Variants in ABCC9 observed in about 807,000 individuals in gnomAD.
The protein encoded by ABCC9 is ATP binding cassette subfamily C member 9, also known as ATP-binding cassette sub-family C member 9.
A neutral mutation model predicts 188.3 loss-of-function variants in ABCC9; 95 were observed. The ratio of observed to expected loss-of-function variants is 0.50; its 90% CI spans 0.43 to 0.60. ABCC9 has a LOEUF of 0.60. Among genes scored for constraint, ABCC9 ranks in the 20% least tolerant of loss-of-function variants. The pLI is 0.00. For synonymous variants in ABCC9, 659 were observed against 652.7 expected (o/e 1.01, Z -0.15); for missense variants, 1,102 against 1,876.3 (o/e 0.59, Z 7.62).
At chr12:21,937,507 GA>G (rs1949534618) in intron 2 of ABCC9, among the ~76,000 whole-genome samples, 1 of 152,128 alleles carries the variant, frequency 6.6e-6, no homozygotes, top group Non-Finnish European at 1.5e-5. Context: ...GGCCACTGGG[GA>G]TTCCGGGGCA....
chr12:21,812,567 G>C (rs1166678282), intron 35 of ABCC9, among the ~76,000 whole-genome samples: 2 of 152,168 alleles, frequency 1.3e-5, no homozygotes, highest in African/African-American at 4.8e-5. Context: ...GATGAAGCTG[G>C]AAACCATCAT....
intron 22 of ABCC9, among the ~76,000 whole-genome samples, chr12:21,857,850 A>G (rs1441927023): frequency 6.6e-6 from 1 of 152,170 alleles, no homozygotes; most frequent in Non-Finnish European, 1.5e-5. Flanking sequence ...TGGACTTCTA[A>G]TCTATAGAAG....
At chr12:21,833,395 G>C (rs1256515159) in intron 30 of ABCC9, among the ~76,000 whole-genome samples, 1 of 151,672 alleles carries the variant, frequency 6.6e-6, no homozygotes, top group Non-Finnish European at 1.5e-5. Context: ...TCTAATTCAA[G>C]CATTGAAATT....
chr12:21,838,250 T>G, intron 29 of ABCC9, 80 bp from the exon 30 acceptor site: 2 of 1,096,872 alleles, frequency 1.8e-6, no homozygotes, highest in Admixed American at 1.8e-5. Context: ...AAGAGAAAGT[T>G]ATTTTGTCAC....
chr12:21,915,885 T>G lies in ABCC9; in HGVS notation c.599A>C (p.Gln200Pro), dbSNP rs1565482114. 2 of 1,612,890 alleles carry G rather than the reference T, an allele frequency of 1.2e-6. No individual in the cohort carries two copies. Among genetic ancestry groups the G allele is most frequent in the Non-Finnish European group, 1.7e-6 (2 of 1,179,316 alleles). ...GAGGTCTTCAGGAGGCTTTACTTTC[T>G]GAGGATTCATGAAAAATACATATCT... is the stretch of plus-strand genomic sequence containing the variant. ...VRRYVFFMNP[Q>P]KVKPPEDLQD... The change falls in exon 7 of 40, where the codon CAG (glutamine) becomes CCG (proline). Residue 200 changes from glutamine to proline, a missense_variant. Transcript: ENST00000261200.
At chr12:21,938,018 C>A (rs975900279) in intron 2 of ABCC9, 1 of 152,106 alleles carries the variant, frequency 6.6e-6, no homozygotes, top group Non-Finnish European at 1.5e-5. Flanking sequence ...AGCATAGTAC[C>A]TTTTCTTTCT....
intron 20 of ABCC9, among the ~76,000 whole-genome samples, chr12:21,861,471 A>G (rs956253204): frequency 1.3e-5 from 2 of 152,130 alleles, no homozygotes; most frequent in Non-Finnish European, 2.9e-5. Flanking sequence ...AACTTAGGCA[A>G]TCAGCCTGCC....
Position 21,829,491 on chromosome 12 carries a change from G to A in ABCC9, c.3567-431C>T, listed in dbSNP as rs111529410. On this transcript the variant is annotated intron_variant, in intron 30 of 39. Coordinates refer to ENST00000261200, the MANE Select transcript of ABCC9 (RefSeq NM_020297.4). ...GCTGGGATTACAGGCGTGTGCCACC[G>A]CACCCGGCCCAGTAAATAGACTTCT... Among the ~76,000 whole-genome samples the A allele has an allele frequency of 2.5e-3, 383 of 152,246 alleles. 1 individual carries two copies. Among genetic ancestry groups the A allele is most frequent in the African/African-American group, 4.6e-3 (190 of 41,564 alleles).
At chr12:21,923,650 G>T in intron 5 of ABCC9, 1 of 553,332 alleles carries the variant, frequency 1.8e-6, no homozygotes, top group Non-Finnish European at 3.2e-6. Context: ...TGTGGAACTG[G>T]AACTCTTACA....
chr12:21,850,851 T>C (rs1221258251), intron 24 of ABCC9, among the ~76,000 whole-genome samples: 4 of 152,176 alleles, frequency 2.6e-5, no homozygotes, highest in Non-Finnish European at 5.9e-5. Flanking sequence ...CAACTGTACC[T>C]GATACTGTTT....
intron 14 of ABCC9, 48 bp downstream of exon 14, chr12:21,893,984 C>A (rs759337853): frequency 6.3e-7 from 1 of 1,595,876 alleles, no homozygotes; most frequent in Non-Finnish European, 8.6e-7. Context: ...TAGCACACGT[C>A]ATTTCTATTA....
Position 21,860,961 on chromosome 12 carries a change from T to C in ABCC9, c.2424+10A>G, listed in dbSNP as rs770053314. 6.2e-6 allele frequency: 10 copies of C among 1,602,518 alleles called. 1 individual carries two copies. In the Admixed American group the frequency reaches 6.7e-5, roughly 11 times the overall value. ...TTGTTCATTGCTTAATGAAACTATA[T>C]ATAGCTCACCCTCTCTCCAATTTCA... On this transcript the variant is annotated intron_variant, in intron 21 of 39. Coordinates refer to ENST00000261200, the MANE Select transcript of ABCC9 (RefSeq NM_020297.4).
At chr12:21,809,423 T>A (rs1350081494) in intron 37 of ABCC9, among the ~76,000 whole-genome samples, 1 of 152,138 alleles carries the variant, frequency 6.6e-6, no homozygotes, top group Non-Finnish European at 1.5e-5. Flanking sequence ...GCAGAGAAAA[T>A]GGCTACTAAT....
At chr12:21,805,458 T>C in intron 39 of ABCC9, 3 of 718,850 alleles carry the variant, frequency 4.2e-6, no homozygotes, top group Non-Finnish European at 4.7e-6. Flanking sequence ...TGTGGACTAC[T>C]GTAAGTGAGC....
In ABCC9 at chr12:21,909,930, G is replaced by T. The variant is rs183669956; in HGVS notation, c.1320+227C>A. ...GGGCTTTGAGGAGTTAAGCACTTGT[G>T]TAAATGACGGGGTAGGGCAGATATT... On this transcript the variant is annotated intron_variant, in intron 10 of 39. Coordinates refer to ENST00000261200, the MANE Select transcript of ABCC9 (RefSeq NM_020297.4). 9.3e-4 allele frequency among the ~76,000 whole-genome samples: 142 copies of T among 151,998 alleles called. 1 individual carries two copies. The highest frequency in any genetic ancestry group is 3.3e-3 in the African/African-American group (139 of 41,524).
At chr12:21,841,218 C>T (rs1243071128) in intron 29 of ABCC9, among the ~76,000 whole-genome samples, 1 of 152,034 alleles carries the variant, frequency 6.6e-6, no homozygotes, top group East Asian at 1.9e-4. Flanking sequence ...AATTTTAAAA[C>T]AGCTGGTATT....
chr12:21,802,668 G>A (rs34230846), intron 39 of ABCC9, among the ~76,000 whole-genome samples: 9 of 152,110 alleles, frequency 5.9e-5, no homozygotes, highest in South Asian at 2.1e-4. Flanking sequence ...GCTACCATAC[G>A]GAACCTGAAC....
chr12:21,858,810 T>A (rs535299000), intron 22 of ABCC9, among the ~76,000 whole-genome samples: 1 of 152,212 alleles, frequency 6.6e-6, no homozygotes, highest in East Asian at 1.9e-4. Flanking sequence ...GAGTGAAGAC[T>A]CTAAAAATGT....
At chr12:21,836,168 C>A (rs75288831) in intron 30 of ABCC9, among the ~76,000 whole-genome samples, 1 of 152,140 alleles carries the variant, frequency 6.6e-6, no homozygotes, top group Non-Finnish European at 1.5e-5. Flanking sequence ...CTCCTTGTCT[C>A]GGGCGTTAAC....
Sources: gnomAD v4.1 joint callset for allele counts (sites outside exome capture counted in the v4.1 genomes callset) on GRCh38, gnomAD v4.1.1 for gene constraint, MANE v1.5 for transcripts, NCBI Gene and HGNC (gene_info 2026-07-23, HGNC 2026-07-21) for gene names.